FGF12: variants seen among roughly 807,000 people sequenced by gnomAD.
The protein encoded by FGF12 is fibroblast growth factor 12B.
FGF12 carries 14 observed loss-of-function variants against 23.6 expected under a neutral mutation model. That is an observed-to-expected ratio of 0.59 (90% confidence interval 0.39 to 0.93). The LOEUF (loss-of-function observed/expected upper bound fraction) is 0.93, where lower values mean the gene tolerates loss of function less well. Among genes scored for constraint, FGF12 ranks in the 40% least tolerant of loss-of-function variants. The pLI, the probability that FGF12 is intolerant of heterozygous loss-of-function variation, is 0.00. For synonymous variants in FGF12, 62 were observed against 77.3 expected (o/e 0.80, Z 1.04); for missense variants, 175 against 217.8 (o/e 0.80, Z 1.24).
chr3:192,504,031 C>T (rs1724215958), intron 2 of FGF12, among the ~76,000 whole-genome samples: 2 of 151,978 alleles, frequency 1.3e-5, no homozygotes, highest in Admixed American at 6.6e-5. Context: ...AGATTACGTT[C>T]TTTGCAGCAA....
intron 2 of FGF12, among the ~76,000 whole-genome samples, chr3:192,495,446 C>T (rs1560128789): frequency 1.9e-5 from 1 of 51,598 alleles, no homozygotes; most frequent in East Asian, 7.5e-4. Context: ...CAATTCACAA[C>T]AATGATATAT....
intron 2 of FGF12, among the ~76,000 whole-genome samples, chr3:192,686,297 G>A (rs1717729187): frequency 6.6e-6 from 1 of 152,140 alleles, no homozygotes; most frequent in Non-Finnish European, 1.5e-5. Flanking sequence ...GAGAAAGACA[G>A]GCACAGAGGC....
At chr3:192,543,787 G>C (rs1374023135) in intron 2 of FGF12, among the ~76,000 whole-genome samples, 3 of 152,148 alleles carry the variant, frequency 2.0e-5, no homozygotes, top group East Asian at 3.9e-4. Flanking sequence ...TTTGGCCCAG[G>C]GTGTGTCTAG....
At chr3:192,571,729 A>C (rs1161006075) in intron 2 of FGF12, among the ~76,000 whole-genome samples, 1 of 152,242 alleles carries the variant, frequency 6.6e-6, no homozygotes, top group Non-Finnish European at 1.5e-5. Context: ...ACGCCAAAGC[A>C]GCAACGCGAG....
At chr3:192,603,303 G>T (rs1294196367) in intron 2 of FGF12, among the ~76,000 whole-genome samples, 1 of 152,094 alleles carries the variant, frequency 6.6e-6, no homozygotes, top group Non-Finnish European at 1.5e-5. Flanking sequence ...TCTGCCAAAA[G>T]GTTCCTGGAA....
chr3:192,639,782 A>C (rs1353759616), intron 2 of FGF12, among the ~76,000 whole-genome samples: 1 of 152,174 alleles, frequency 6.6e-6, no homozygotes, highest in South Asian at 2.1e-4. Context: ...TGTAGATCTT[A>C]TGTCAGAGAA....
intron 2 of FGF12, among the ~76,000 whole-genome samples, chr3:192,375,151 C>T (rs146518566): frequency 4.9e-4 from 74 of 152,264 alleles, no homozygotes; most frequent in African/African-American, 1.7e-3. Context: ...TGTATTAACA[C>T]CAAATATTTG....
In FGF12 at chr3:192,360,513, T is replaced by C. The variant is rs376916654; in HGVS notation, c.39A>G (p.Thr13=). Residue 13 remains threonine (T), a synonymous_variant, in exon 3 of 6, where the codon ACA becomes ACG. Coordinates refer to ENST00000445105, the MANE Select transcript of FGF12 (RefSeq NM_004113.6). The surrounding 1 kb of genome is among the most constrained non-coding windows in gnomAD (Gnocchi z 4.3). ...AGTATCCCTGCTGGCTGAATAACCTTGTCACAATCCCTTTGAGCTGGGGTT... is the reference window on the plus strand; with the variant it reads ...AGTATCCCTGCTGGCTGAATAACCTCGTCACAATCCCTTTGAGCTGGGGTT... The part of the protein sequence containing the change: ...SKEPQLKGIV[T]RLFSQQGYFL... 78 of 1,613,760 alleles carry C rather than the reference T, an allele frequency of 4.8e-5. No homozygotes were observed. Among genetic ancestry groups the C allele is most frequent in the Non-Finnish European group, 6.5e-5 (77 of 1,179,810 alleles).
chr3:192,578,332 AAAGG>A lies in FGF12; in HGVS notation c.13+148845_13+148848del, dbSNP rs557781351. Among the ~76,000 whole-genome samples, 271 of 152,312 alleles carry A rather than the reference AAAGG, an allele frequency of 1.8e-3. 3 individuals carry two copies. Among genetic ancestry groups the A allele is most frequent in the African/African-American group, 6.4e-3 (264 of 41,564 alleles). On this transcript the variant is annotated intron_variant, in intron 2 of 5. Coordinates refer to ENST00000445105, the MANE Select transcript of FGF12 (RefSeq NM_004113.6). ...CTTGTTCCTTTCTTTTTACTGGAGT[AAAGG>A]AAGATTGAGTGATTTGCCCAAGGTC... is the stretch of plus-strand genomic sequence containing the variant.
At chr3:192,511,307 T>C (rs1013280755) in intron 2 of FGF12, among the ~76,000 whole-genome samples, 9 of 152,116 alleles carry the variant, frequency 5.9e-5, no homozygotes, top group Non-Finnish European at 1.2e-4. Flanking sequence ...GCTGCCCTTC[T>C]GTTTCAGATT....
intron 2 of FGF12, among the ~76,000 whole-genome samples, chr3:192,508,055 CT>C (rs1483692512): frequency 6.6e-6 from 1 of 152,170 alleles, no homozygotes; most frequent in Non-Finnish European, 1.5e-5. Context: ...AGAGATTCAT[CT>C]TGTGTCACTA....
intron 2 of FGF12, among the ~76,000 whole-genome samples, chr3:192,685,985 C>G (rs1717717212): frequency 1.3e-5 from 2 of 152,132 alleles, no homozygotes; most frequent in South Asian, 4.1e-4. Context: ...CTCAGGCACT[C>G]CTGAGCCCTG....
chr3:192,473,372 C>T (rs1723227069), intron 2 of FGF12, among the ~76,000 whole-genome samples: 1 of 152,142 alleles, frequency 6.6e-6, no homozygotes, highest in South Asian at 2.1e-4. Flanking sequence ...CATCCCTTAT[C>T]ATGAGTTGAT....
At chr3:192,211,466 C>T (rs1432476432) in intron 4 of FGF12, among the ~76,000 whole-genome samples, 1 of 151,556 alleles carries the variant, frequency 6.6e-6, no homozygotes, top group Non-Finnish European at 1.5e-5. Context: ...GCTCTTGTGG[C>T]CGAGGCTGGA....
At chr3:192,296,062 CTTTT>C (rs34021285) in intron 4 of FGF12, among the ~76,000 whole-genome samples, 4 of 78,100 alleles carry the variant, frequency 5.1e-5, no homozygotes, top group Non-Finnish European at 9.4e-5. Flanking sequence ...GTTTTTCTTT[CTTTT>C]TTTTTTTTTT....
intron 4 of FGF12, among the ~76,000 whole-genome samples, chr3:192,181,634 T>C (rs1052851798): frequency 6.6e-6 from 1 of 151,050 alleles, no homozygotes; most frequent in Admixed American, 6.6e-5. Context: ...AATTTGTTTT[T>C]TTTTTTTTTT....
chr3:192,442,877 G>A (rs893092517), intron 2 of FGF12, among the ~76,000 whole-genome samples: 3 of 150,140 alleles, frequency 2.0e-5, no homozygotes, highest in East Asian at 3.9e-4. Context: ...GCGCAGTCTC[G>A]GCTCACTGCA....
chr3:192,158,407 C>CT lies in FGF12; in HGVS notation c.427+12050dup, dbSNP rs1560171625. On this transcript the variant is annotated intron_variant, in intron 5 of 5. Transcript: ENST00000445105. ...CTTTTCTTTCTCTCTCTTTCTTTTTCTTTCTTTCTCTTTCTTTTTCTTTTT... is the reference window on the plus strand; with the variant it reads ...CTTTTCTTTCTCTCTCTTTCTTTTTCTTTTCTTTCTCTTTCTTTTTCTTTTT... Among the ~76,000 whole-genome samples, 29 of 11,236 alleles carry CT rather than the reference C, an allele frequency of 2.6e-3. No homozygotes were observed. In the South Asian group the frequency reaches 0.027, roughly 11 times the overall value. The allele number at this position is 11,236 out of a possible 152,430, so 7.4% of individuals were successfully genotyped here.
intron 2 of FGF12, among the ~76,000 whole-genome samples, chr3:192,611,617 T>C (rs1403022278): frequency 1.3e-5 from 2 of 151,940 alleles, no homozygotes; most frequent in Non-Finnish European, 2.9e-5. Context: ...ACCAAACCAC[T>C]GCCTGGGACC....
Sources: gnomAD v4.1 joint callset for allele counts (sites outside exome capture counted in the v4.1 genomes callset) on GRCh38, gnomAD v4.1.1 for gene constraint, Gnocchi (gnomAD v3.1) non-coding constraint, MANE v1.5 for transcripts, NCBI Gene and HGNC (gene_info 2026-07-23, HGNC 2026-07-21) for gene names.